Variants in PRORP observed in about 807,000 individuals in gnomAD.
PRORP encodes mitochondrial ribonuclease P catalytic subunit.
In PRORP, 51 loss-of-function variants were observed where a neutral mutation model predicts 59.4. The observed-to-expected ratio is 0.86, with a 90% CI of 0.69 to 1.08. The LOEUF is 1.08. Among genes scored for constraint, PRORP ranks in the 50% least tolerant of loss-of-function variants. The probability of loss-of-function intolerance (pLI) is 0.00; values close to 1 mark genes in which losing one functional copy is unlikely to be tolerated. For missense variants in PRORP, 646 were observed against 690.3 expected (o/e 0.94, Z 0.72); for synonymous variants, 231 against 245.6 (o/e 0.94, Z 0.55).
At chr14:35,198,536 A>T (rs1261979051) in intron 5 of PRORP, among the ~76,000 whole-genome samples, 1 of 152,144 alleles carries the variant, frequency 6.6e-6, no homozygotes, top group Non-Finnish European at 1.5e-5. Context: ...TTTTAAGCTG[A>T]TTTTTTCACT....
chr14:35,226,118 G>T (rs1017704292), intron 5 of PRORP, among the ~76,000 whole-genome samples: 2 of 152,122 alleles, frequency 1.3e-5, no homozygotes, highest in African/African-American at 4.8e-5. Flanking sequence ...AAGACCCTCT[G>T]TTGTTAATAT....
intron 5 of PRORP, among the ~76,000 whole-genome samples, chr14:35,198,604 A>G (rs1481230107): frequency 6.6e-6 from 1 of 152,214 alleles, no homozygotes; most frequent in Non-Finnish European, 1.5e-5. Flanking sequence ...TTATAATTAT[A>G]ATTTCATTTC....
At chr14:35,236,571 T>C (rs1301211000) in intron 5 of PRORP, among the ~76,000 whole-genome samples, 1 of 152,220 alleles carries the variant, frequency 6.6e-6, no homozygotes, top group African/African-American at 2.4e-5. Context: ...TCTTTATCAC[T>C]CTTTTTCTGC....
At position 35,161,488 on chromosome 14, in the gene PRORP, A is replaced by G. The variant is rs189325193; in HGVS notation, c.1168-19182A>G. The stretch of plus-strand genomic sequence containing the variant: ...GGATTTCCAGGGTGTGTAAGCATGG[A>G]CAAACTCCTTGAATGAAAGCAGAAT... On this transcript the variant is annotated intron_variant, in intron 4 of 7. Transcript: ENST00000534898. Among the ~76,000 whole-genome samples the G allele has an allele frequency of 2.7e-3, 405 of 152,248 alleles. 2 individuals carry two copies. Among genetic ancestry groups the G allele is most frequent in the Non-Finnish European group, 4.2e-3 (289 of 68,016 alleles).
At chr14:35,167,498 T>C (rs1172859984) in intron 4 of PRORP, among the ~76,000 whole-genome samples, 5 of 152,230 alleles carry the variant, frequency 3.3e-5, no homozygotes, top group Non-Finnish European at 7.3e-5. Context: ...TAGTTTACAG[T>C]ACTGTTGCCA....
In PRORP at chr14:35,129,944, T is replaced by G. The variant is rs532520505; in HGVS notation, c.1167+2333T>G. Among the ~76,000 whole-genome samples the G allele has an allele frequency of 2.8e-4, 43 of 152,210 alleles. 1 individual carries two copies. Among genetic ancestry groups the G allele is most frequent in the African/African-American group, 1.0e-3 (42 of 41,448 alleles). Reference sequence around the variant, plus strand: ...GTCTCCCTGCTTTTTAACTTTTTATTGTTTCTATTTATATCTTACTGTACT... The same window carrying G: ...GTCTCCCTGCTTTTTAACTTTTTATGGTTTCTATTTATATCTTACTGTACT... On this transcript the variant is annotated intron_variant, in intron 4 of 7. Transcript: ENST00000534898.
intron 5 of PRORP, among the ~76,000 whole-genome samples, chr14:35,216,594 A>G (rs2049602212): frequency 6.6e-6 from 1 of 152,158 alleles, no homozygotes; most frequent in Non-Finnish European, 1.5e-5. Flanking sequence ...GAATAATACT[A>G]CTGTATGAAC....
At chr14:35,230,946 C>CACACACACACACGAAAAGAGA (rs777899349) in intron 5 of PRORP, among the ~76,000 whole-genome samples, 1 of 77,572 alleles carries the variant, frequency 1.3e-5, no homozygotes, top group African/African-American at 4.7e-5. Context: ...AGAACACACA[C>CACACACACACACGAAAAGAGA]ACACACACAC....
intron 4 of PRORP, among the ~76,000 whole-genome samples, chr14:35,163,393 A>G (rs1445220258): frequency 6.6e-6 from 1 of 152,096 alleles, no homozygotes; most frequent in Non-Finnish European, 1.5e-5. Flanking sequence ...CTCATGACCT[A>G]GTAAGGTGTT....
intron 5 of PRORP, 149 bp downstream of exon 5, chr14:35,180,926 C>T (rs1254965476): frequency 1.7e-6 from 1 of 588,618 alleles, no homozygotes; most frequent in Non-Finnish European, 3.0e-6. Context: ...GCATGCTCCC[C>T]TAAGATTTAC....
intron 6 of PRORP, among the ~76,000 whole-genome samples, chr14:35,267,402 G>A (rs940269208): frequency 6.6e-6 from 1 of 152,186 alleles, no homozygotes; most frequent in Non-Finnish European, 1.5e-5. Flanking sequence ...GTCAGGAACA[G>A]CCTTTCTGAG....
chr14:35,230,069 T>TTG (rs1221898892), intron 5 of PRORP, among the ~76,000 whole-genome samples: 44 of 149,228 alleles, frequency 2.9e-4, no homozygotes, highest in Non-Finnish European at 5.5e-4. Context: ...TTTTTTTTTT[T>TTG]TGAGACCAAG....
At chr14:35,257,459 TC>T (rs1184576678) in intron 5 of PRORP, among the ~76,000 whole-genome samples, 1 of 152,216 alleles carries the variant, frequency 6.6e-6, no homozygotes, top group African/African-American at 2.4e-5. Flanking sequence ...TCAGTATTTG[TC>T]CTTTAGTGTC....
At chr14:35,136,515 C>T (rs1234822668) in intron 4 of PRORP, among the ~76,000 whole-genome samples, 2 of 145,196 alleles carry the variant, frequency 1.4e-5, no homozygotes, top group African/African-American at 4.9e-5. Flanking sequence ...GCTGGGATTA[C>T]AGGCATGCAC....
intron 5 of PRORP, among the ~76,000 whole-genome samples, chr14:35,208,118 C>G (rs1367629955): frequency 6.6e-6 from 1 of 151,574 alleles, no homozygotes; most frequent in Admixed American, 6.6e-5. Flanking sequence ...CTACTGCACT[C>G]CAGCCTGGGC....
At chr14:35,215,783 G>C (rs1300424945) in intron 5 of PRORP, among the ~76,000 whole-genome samples, 1 of 150,660 alleles carries the variant, frequency 6.6e-6, no homozygotes, top group Non-Finnish European at 1.5e-5. Flanking sequence ...TTTTTTCTTG[G>C]GGGGACAGGG....
At chr14:35,261,228 T>C (rs548408313) in intron 5 of PRORP, among the ~76,000 whole-genome samples, 17 of 152,270 alleles carry the variant, frequency 1.1e-4, no homozygotes, top group Non-Finnish European at 8.8e-5. Context: ...ACCATGTCAG[T>C]CCTTGTGTAC....
At chr14:35,139,255 G>A (rs549300010) in intron 4 of PRORP, among the ~76,000 whole-genome samples, 1 of 145,670 alleles carries the variant, frequency 6.9e-6, no homozygotes, top group East Asian at 2.3e-4. Flanking sequence ...CCGTGCCCAG[G>A]AATATTTTGA....
At chr14:35,209,936 C>A (rs1278020123) in intron 5 of PRORP, among the ~76,000 whole-genome samples, 1 of 152,126 alleles carries the variant, frequency 6.6e-6, no homozygotes, top group Admixed American at 6.5e-5. Context: ...TAGTTTCATA[C>A]CCCACTAATA....
Sources: gnomAD v4.1 joint callset for allele counts (sites outside exome capture counted in the v4.1 genomes callset) on GRCh38, gnomAD v4.1.1 for gene constraint, MANE v1.5 for transcripts, NCBI Gene and HGNC (gene_info 2026-07-23, HGNC 2026-07-21) for gene names.